ZC3H4: variants seen among roughly 807,000 people sequenced by gnomAD.
ZC3H4 encodes the protein zinc finger CCCH domain-containing protein 4.
ZC3H4 carries 13 observed loss-of-function variants against 108.3 expected under a neutral mutation model. The ratio of observed to expected loss-of-function variants is 0.12; its 90% CI spans 0.08 to 0.19. The LOEUF is 0.19. Among genes scored for constraint, ZC3H4 ranks in the 10% least tolerant of loss-of-function variants. The probability of loss-of-function intolerance (pLI) is 1.00; values close to 1 mark genes in which losing one functional copy is unlikely to be tolerated. For synonymous variants in ZC3H4, 917 were observed against 749.6 expected (o/e 1.22, Z -3.65); for missense variants, 1,734 against 1,838.8 (o/e 0.94, Z 1.04).
chr19:47,080,973 A>G (rs2057511104), intron 11 of ZC3H4, among the ~76,000 whole-genome samples: 1 of 151,968 alleles, frequency 6.6e-6, no homozygotes, highest in African/African-American at 2.4e-5. Context: ...GGGTTTTGCC[A>G]TGTTGCCCTA....
intron 5 of ZC3H4, 107 bp from the exon 6 acceptor site, chr19:47,086,645 T>C (rs2057633662): frequency 1.4e-6 from 2 of 1,422,742 alleles, no homozygotes; most frequent in Non-Finnish European, 1.8e-6. Flanking sequence ...AGCTGCCTCC[T>C]CCTCCTTCTC....
At chr19:47,089,419 C>T (rs938989848) in intron 5 of ZC3H4, among the ~76,000 whole-genome samples, 2 of 151,904 alleles carry the variant, frequency 1.3e-5, no homozygotes, top group African/African-American at 2.4e-5. Context: ...TTAGGTGATC[C>T]GACAGCCTCG....
intron 2 of ZC3H4, among the ~76,000 whole-genome samples, chr19:47,106,067 A>G (rs1249823975): frequency 6.6e-6 from 1 of 152,238 alleles, no homozygotes; most frequent in Non-Finnish European, 1.5e-5. Context: ...GGTAAAGGTT[A>G]AATGAGCTAA....
chr19:47,087,276 T>TCA lies in ZC3H4; in HGVS notation c.716-740_716-739dup, dbSNP rs1009071406. Among the ~76,000 whole-genome samples the TCA allele has an allele frequency of 3.2e-3, 465 of 143,282 alleles. 1 individual carries two copies. Among genetic ancestry groups the TCA allele is most frequent in the African/African-American group, 1.0e-2 (394 of 39,554 alleles). The allele number at this position is 143,282 out of a possible 152,430, so 94.0% of individuals were successfully genotyped here. ...GGGCAACAGAGTGAGACCCCGTCTC[T>TCA]CACACACACACACACACACACAAAA... On this transcript the variant is annotated intron_variant, in intron 5 of 14. Coordinates refer to ENST00000253048, the MANE Select transcript of ZC3H4 (RefSeq NM_015168.2).
At chr19:47,108,424 C>A (rs1272593340) in intron 2 of ZC3H4, among the ~76,000 whole-genome samples, 1 of 152,096 alleles carries the variant, frequency 6.6e-6, no homozygotes, top group African/African-American at 2.4e-5. Flanking sequence ...TTTCTACAGG[C>A]CCAATAGCCA....
chr19:47,112,644 G>A (rs1359024063), intron 1 of ZC3H4, 55 bp from the exon 2 acceptor site: 3 of 1,191,674 alleles, frequency 2.5e-6, no homozygotes, highest in African/African-American at 1.6e-5. Context: ...GGCGTGGCGG[G>A]AGGGGCACAC....
At chr19:47,111,829 C>A (rs543921604) in intron 2 of ZC3H4, among the ~76,000 whole-genome samples, 1 of 152,286 alleles carries the variant, frequency 6.6e-6, no homozygotes, top group Admixed American at 6.5e-5. Context: ...CCACCTTCTG[C>A]CTCCTAAGCT....
intron 11 of ZC3H4, among the ~76,000 whole-genome samples, chr19:47,074,227 A>G (rs372028795): frequency 7.9e-5 from 12 of 152,196 alleles, no homozygotes; most frequent in African/African-American, 2.9e-4. Context: ...GTGTCTGTCC[A>G]GTCTCCTGTA....
At chr19:47,082,419 C>T (rs1318637409) in intron 9 of ZC3H4, 124 bp from the exon 10 acceptor site, 1 of 728,274 alleles carries the variant, frequency 1.4e-6, no homozygotes, top group African/African-American at 1.7e-5. Context: ...AAACGAATCC[C>T]CCTTAGGAAA....
intron 4 of ZC3H4, among the ~76,000 whole-genome samples, chr19:47,093,088 T>C (rs982324396): frequency 1.3e-5 from 2 of 150,954 alleles, no homozygotes; most frequent in African/African-American, 4.9e-5. Flanking sequence ...TGGTGGCGGG[T>C]GCCTGTAGTC....
Position 47,069,297 on chromosome 19 carries a change from G to A in ZC3H4, c.2193C>T (p.His731=). Residue 731 remains histidine (H), a synonymous_variant, in exon 14 of 15, where the codon CAC becomes CAT. Transcript: ENST00000253048. ...GCTCCAGAGGGTGCTCAGGGAAGAG[G>A]TGCTCCCCAGGCTCCCCTGGCAGCT... ...YEELPGEPGE[H]LFPEHPLEPD... The A allele has an allele frequency of 5.0e-6, 8 of 1,613,832 alleles. No homozygotes were observed. The highest frequency in any genetic ancestry group is 6.8e-6 in the Non-Finnish European group (8 of 1,179,900).
rs772264154 is a variant in ZC3H4 at position 47,067,479 on chromosome 19, C to G, written c.2789G>C (p.Arg930Pro). 1 of 1,581,278 alleles carries G rather than the reference C, an allele frequency of 6.3e-7. No individual in the cohort carries two copies. The highest frequency in any genetic ancestry group is 8.6e-7 in the Non-Finnish European group (1 of 1,162,110). Residue 930 changes from arginine to proline, a missense_variant, in exon 15 of 15, where the codon CGG (arginine) becomes CCG (proline). Arg to Pro is a moderately radical substitution (Grantham distance 103). Coordinates refer to ENST00000253048, the MANE Select transcript of ZC3H4 (RefSeq NM_015168.2). The surrounding 1 kb of genome is among the most constrained non-coding windows in gnomAD (Gnocchi z 6.4). The stretch of plus-strand genomic sequence containing the variant: ...GTTCACGGCCTTCTCCCGCAGGGCC[C>G]GCTCCCCTTCCTCCTCCTCCGTTGG... ...PPPTEEEEGE[R>P]ALREKAVNIP...
At chr19:47,090,936 T>A (rs2057721303) in intron 4 of ZC3H4, among the ~76,000 whole-genome samples, 1 of 152,194 alleles carries the variant, frequency 6.6e-6, no homozygotes, top group South Asian at 2.1e-4. Context: ...TACTACTACC[T>A]GCTCAATTTT....
chr19:47,098,486 CAAA>C (rs142251542), intron 2 of ZC3H4, among the ~76,000 whole-genome samples: 8 of 100,278 alleles, frequency 8.0e-5, no homozygotes, highest in Admixed American at 4.1e-4. Flanking sequence ...AACTGTGTCT[CAAA>C]AAAAAAAAAA....
At chr19:47,083,789 T>C (rs2057565950) in intron 9 of ZC3H4, among the ~76,000 whole-genome samples, 1 of 152,238 alleles carries the variant, frequency 6.6e-6, no homozygotes, top group Non-Finnish European at 1.5e-5. Flanking sequence ...AGGGGTGCAG[T>C]GTGCCCTGAG....
intron 4 of ZC3H4, among the ~76,000 whole-genome samples, chr19:47,091,533 C>CA: frequency 6.6e-6 from 1 of 151,964 alleles, no homozygotes. Flanking sequence ...AAGATTGCGC[C>CA]ACTGCACTCC....
chr19:47,103,407 A>T (rs2057927720), intron 2 of ZC3H4, among the ~76,000 whole-genome samples: 1 of 152,150 alleles, frequency 6.6e-6, no homozygotes, highest in Non-Finnish European at 1.5e-5. Flanking sequence ...GGGCTCAAGC[A>T]ATCTTCCCAC....
In ZC3H4 at chr19:47,071,887, G is replaced by A. The variant is rs116366877; in HGVS notation, c.2037C>T (p.Ser679=). 1,959 of 1,612,896 alleles carry A rather than the reference G, an allele frequency of 1.2e-3. 26 individuals carry two copies. The African/African-American group carries it at 0.021, about 17-fold the overall frequency. The change falls in exon 13 of 15, where the codon TCC becomes TCT. Residue 679 remains serine, a synonymous_variant. Transcript: ENST00000253048. ...TAGGGGGCATCATTCCAGAATGTGG[G>A]GAGTCTCCAGGGCCGTAGGGCATCA... The part of the protein sequence containing the change: ...PPMMPYGPGD[S]PHSGMMPPIP...
chr19:47,066,703 G>T lies in ZC3H4; in HGVS notation c.3565C>A (p.Pro1189Thr), dbSNP rs1880813673. 1 of 1,609,454 alleles carries T rather than the reference G, an allele frequency of 6.2e-7. No homozygotes were observed. Among genetic ancestry groups the T allele is most frequent in the Non-Finnish European group, 8.5e-7 (1 of 1,178,842 alleles). ...KSSASKAKEP[P>T]FVRKSALEQP... ...TCCAGGGCAGACTTGCGGACGAACG[G>T]GGGCTCCTTAGCCTTGGAGGCCGAG... Residue 1189 changes from proline to threonine, a missense_variant, in exon 15 of 15, where the codon CCG becomes ACG. Physicochemically the swap from Pro to Thr is conservative, Grantham distance 38 (BLOSUM62 -1). Transcript: ENST00000253048.
Sources: gnomAD v4.1 joint callset for allele counts (sites outside exome capture counted in the v4.1 genomes callset) on GRCh38, gnomAD v4.1.1 for gene constraint, Gnocchi (gnomAD v3.1) non-coding constraint, MANE v1.5 for transcripts, NCBI Gene and HGNC (gene_info 2026-07-23, HGNC 2026-07-21) for gene names.